Variants in ZBTB20 observed in about 807,000 individuals in gnomAD.
ZBTB20 encodes the protein zinc finger and BTB domain containing 20, also known as zinc finger and BTB domain-containing protein 20.
ZBTB20 carries 9 observed loss-of-function variants against 56.9 expected under a neutral mutation model. That is an observed-to-expected ratio of 0.16 (90% CI 0.10 to 0.28). ZBTB20 has a LOEUF of 0.28. Ranked by LOEUF, ZBTB20 falls within the 10% of genes least tolerant of loss-of-function variation. ZBTB20 has a pLI of 1.00. For missense variants in ZBTB20, 655 were observed against 1,003.0 expected (o/e 0.65, Z 4.69); for synonymous variants, 417 against 420.7 (o/e 0.99, Z 0.11).
chr3:114,788,917 T>C (rs1245630587), intron 5 of ZBTB20, among the ~76,000 whole-genome samples: 1 of 152,074 alleles, frequency 6.6e-6, no homozygotes, highest in Non-Finnish European at 1.5e-5. Context: ...AACTACTCTT[T>C]ATAAAACCAT....
At chr3:114,760,141 A>T (rs1279335133) in intron 5 of ZBTB20, among the ~76,000 whole-genome samples, 1 of 152,182 alleles carries the variant, frequency 6.6e-6, no homozygotes, top group Non-Finnish European at 1.5e-5. Flanking sequence ...AAATAAAAAA[A>T]TTTTATTAAT....
intron 7 of ZBTB20, among the ~76,000 whole-genome samples, chr3:114,454,175 G>A (rs868635773): frequency 8.6e-6 from 1 of 116,686 alleles, no homozygotes; most frequent in Admixed American, 8.8e-5. Flanking sequence ...AAAAGAGAAG[G>A]GAGAGAGAGA....
Position 114,878,051 on chromosome 3 carries a change from A to G in ZBTB20, c.-417+22253T>C, listed in dbSNP as rs114743824. 7.9e-3 allele frequency among the ~76,000 whole-genome samples: 1,200 copies of G among 152,214 alleles called. 13 individuals carry two copies. Among genetic ancestry groups the G allele is most frequent in the African/African-American group, 0.026 (1,086 of 41,534 alleles). ...GCAAAAATTATTTCATCAAACAATG[A>G]AAAAAAGAAACAGCCCTACTTTGTT... On this transcript the variant is annotated intron_variant, in intron 4 of 11. Transcript: ENST00000675478.
At chr3:114,380,739 T>A in intron 9 of ZBTB20, 38 bp downstream of exon 9, 1 of 1,486,122 alleles carries the variant, frequency 6.7e-7, no homozygotes, top group East Asian at 2.5e-5. Flanking sequence ...CCTTAGGAGT[T>A]TTAACATGGT....
intron 7 of ZBTB20, among the ~76,000 whole-genome samples, chr3:114,480,669 A>G (rs2041433502): frequency 6.6e-6 from 1 of 152,188 alleles, no homozygotes; most frequent in African/African-American, 2.4e-5. Flanking sequence ...CAGTTGCAAC[A>G]CACTTCTTTG....
chr3:115,143,334 T>C (rs1444377425), intron 1 of ZBTB20, among the ~76,000 whole-genome samples: 1 of 152,212 alleles, frequency 6.6e-6, no homozygotes, highest in Non-Finnish European at 1.5e-5. Flanking sequence ...ATGTCGCCTA[T>C]AAACTAATTA....
intron 6 of ZBTB20, among the ~76,000 whole-genome samples, chr3:114,577,606 C>A (rs2054221389): frequency 6.6e-6 from 1 of 152,122 alleles, no homozygotes; most frequent in African/African-American, 2.4e-5. Context: ...CATCGAGATA[C>A]CTAGAATTCC....
intron 7 of ZBTB20, among the ~76,000 whole-genome samples, chr3:114,443,666 C>T (rs531821462): frequency 3.1e-4 from 47 of 152,126 alleles, no homozygotes; most frequent in Admixed American, 5.2e-4. Flanking sequence ...AATCTATGAC[C>T]TCGAGAAGTA....
At chr3:114,420,597 T>A (rs979276280) in intron 7 of ZBTB20, among the ~76,000 whole-genome samples, 1 of 152,210 alleles carries the variant, frequency 6.6e-6, no homozygotes, top group African/African-American at 2.4e-5. Flanking sequence ...AAGAATACTA[T>A]CCAGTCTTTC....
chr3:114,919,113 A>T (rs933957622), intron 3 of ZBTB20, among the ~76,000 whole-genome samples: 16 of 152,250 alleles, frequency 1.1e-4, no homozygotes, highest in Admixed American at 1.0e-3. Context: ...GACAAAAAAT[A>T]TCAAAAACAA....
At chr3:114,726,635 G>A (rs116167184) in intron 5 of ZBTB20, among the ~76,000 whole-genome samples, 1,937 of 152,124 alleles carry the variant, frequency 0.013, 41 homozygotes, top group African/African-American at 0.044. Flanking sequence ...GAGATAGGCC[G>A]GGCGCGGTGG....
Position 115,020,794 on chromosome 3 carries a change from T to C in ZBTB20, c.-506-46378A>G, listed in dbSNP as rs572917985. Among the ~76,000 whole-genome samples the C allele has an allele frequency of 7.9e-5, 12 of 151,202 alleles. No individual in the cohort carries two copies. The South Asian group carries it at 2.5e-3, about 31-fold the overall frequency. On this transcript the variant is annotated intron_variant, in intron 2 of 11. Transcript: ENST00000675478. The stretch of plus-strand genomic sequence containing the variant: ...TTCTCTTCCATTTATGCTTACATTG[T>C]AAGTCTTTTAAACATTTATTGAAAC...
intron 6 of ZBTB20, among the ~76,000 whole-genome samples, chr3:114,579,226 A>G (rs992976653): frequency 4.6e-5 from 7 of 151,808 alleles, no homozygotes; most frequent in African/African-American, 1.7e-4. Context: ...AAGTTTTTCA[A>G]TTAAAACCAC....
chr3:114,926,986 C>A (rs995269307), intron 3 of ZBTB20, among the ~76,000 whole-genome samples: 1 of 152,074 alleles, frequency 6.6e-6, no homozygotes. Flanking sequence ...CTCAATCAAT[C>A]CTCCCTGCTT....
intron 2 of ZBTB20, among the ~76,000 whole-genome samples, chr3:115,063,103 C>G (rs1475538073): frequency 6.6e-6 from 1 of 152,148 alleles, no homozygotes; most frequent in East Asian, 1.9e-4. Flanking sequence ...ATCATTCAAA[C>G]AGCATGCGAA....
At chr3:114,897,636 C>T (rs576748323) in intron 4 of ZBTB20, among the ~76,000 whole-genome samples, 133 of 152,166 alleles carry the variant, frequency 8.7e-4, no homozygotes, top group Non-Finnish European at 1.6e-3. Flanking sequence ...GGCTCATCTC[C>T]TAATTTCTAA....
intron 6 of ZBTB20, among the ~76,000 whole-genome samples, chr3:114,681,156 TA>T (rs1338503246): frequency 1.6e-5 from 2 of 127,442 alleles, no homozygotes; most frequent in Non-Finnish European, 3.3e-5. Context: ...ACTGAGCGTA[TA>T]ATTTTTTTTT....
At chr3:114,383,978 A>G (rs749698040) in intron 8 of ZBTB20, among the ~76,000 whole-genome samples, 1 of 152,192 alleles carries the variant, frequency 6.6e-6, no homozygotes, top group African/African-American at 2.4e-5. Flanking sequence ...GCAGCAGCAC[A>G]CTGGCTGACT....
intron 7 of ZBTB20, among the ~76,000 whole-genome samples, chr3:114,398,216 G>C (rs532281102): frequency 6.8e-6 from 1 of 147,904 alleles, no homozygotes; most frequent in African/African-American, 2.6e-5. Flanking sequence ...TTCAATAAAT[G>C]GTTATGGTTT....
Sources: gnomAD v4.1 joint callset for allele counts (sites outside exome capture counted in the v4.1 genomes callset) on GRCh38, gnomAD v4.1.1 for gene constraint, MANE v1.5 for transcripts, NCBI Gene and HGNC (gene_info 2026-07-23, HGNC 2026-07-21) for gene names.